ROBO2: variants seen among roughly 807,000 people sequenced by gnomAD.
ROBO2 encodes the protein roundabout homolog 2.
ROBO2 carries 53 observed loss-of-function variants against 160.8 expected under a neutral mutation model. That is an observed-to-expected ratio of 0.33 (90% CI 0.26 to 0.41). The LOEUF (loss-of-function observed/expected upper bound fraction) is 0.41, where lower values mean the gene tolerates loss of function less well. ROBO2 is among the 10% of genes least tolerant of loss of function. The pLI, the probability that ROBO2 is intolerant of heterozygous loss-of-function variation, is 1.00. For missense variants in ROBO2, 1,577 were observed against 1,722.4 expected (o/e 0.92, Z 1.49); for synonymous variants, 664 against 611.7 (o/e 1.09, Z -1.26).
intron 2 of ROBO2, among the ~76,000 whole-genome samples, chr3:76,738,348 T>A (rs907869268): frequency 1.3e-5 from 2 of 152,146 alleles, no homozygotes; most frequent in African/African-American, 4.8e-5. Flanking sequence ...GTTAAGATAG[T>A]TCAGGGCTTC....
At chr3:77,450,843 T>G (rs1026938706) in intron 2 of ROBO2, among the ~76,000 whole-genome samples, 1 of 152,086 alleles carries the variant, frequency 6.6e-6, no homozygotes, top group African/African-American at 2.4e-5. Flanking sequence ...ATTGACGGTA[T>G]TCAAGCTGGA....
intron 2 of ROBO2, among the ~76,000 whole-genome samples, chr3:76,029,570 A>G (rs903524010): frequency 1.3e-5 from 2 of 151,890 alleles, no homozygotes; most frequent in African/African-American, 4.8e-5. Context: ...CCAGTGTTCA[A>G]GTGTTCTCAT....
At chr3:77,427,467 A>G (rs922162058) in intron 2 of ROBO2, among the ~76,000 whole-genome samples, 4 of 152,182 alleles carry the variant, frequency 2.6e-5, no homozygotes, top group Non-Finnish European at 4.4e-5. Flanking sequence ...TAAGTGGTAC[A>G]CCTAGGATTT....
At chr3:77,205,550 T>C (rs1388718050) in intron 2 of ROBO2, among the ~76,000 whole-genome samples, 2 of 152,012 alleles carry the variant, frequency 1.3e-5, no homozygotes, top group Non-Finnish European at 2.9e-5. Context: ...CTTTTTGGGC[T>C]TGAAAACAGA....
intron 2 of ROBO2, among the ~76,000 whole-genome samples, chr3:77,466,943 C>A (rs988073436): frequency 1.3e-5 from 2 of 152,128 alleles, no homozygotes; most frequent in Non-Finnish European, 2.9e-5. Flanking sequence ...AATATCGGAG[C>A]AATAACACGT....
chr3:77,317,446 T>C (rs1225361164), intron 2 of ROBO2: 3 of 1,517,226 alleles, frequency 2.0e-6, no homozygotes, highest in African/African-American at 1.4e-5. Flanking sequence ...AGACTGCCCG[T>C]CACTTTGGTG....
chr3:77,197,628 C>G (rs1239573958), intron 2 of ROBO2, among the ~76,000 whole-genome samples: 1 of 152,122 alleles, frequency 6.6e-6, no homozygotes, highest in African/African-American at 2.4e-5. Context: ...CTTCAACAGC[C>G]AATGCAAAGG....
chr3:77,607,755 TCTG>T (rs1559715524), intron 20 of ROBO2, 40 bp from the exon 22 acceptor site: 4 of 1,576,866 alleles, frequency 2.5e-6, no homozygotes, highest in Non-Finnish European at 1.7e-6. Flanking sequence ...TTCTCTTTAT[TCTG>T]CTATTTGGCA....
chr3:76,449,893 A>G (rs774632934), intron 2 of ROBO2, among the ~76,000 whole-genome samples: 3 of 152,134 alleles, frequency 2.0e-5, no homozygotes, highest in Admixed American at 6.6e-5. Flanking sequence ...ACCTGCTCAT[A>G]CTTGCTGCAA....
chr3:76,574,193 G>C (rs995820804), intron 2 of ROBO2, among the ~76,000 whole-genome samples: 1 of 151,952 alleles, frequency 6.6e-6, no homozygotes, highest in African/African-American at 2.4e-5. Context: ...CAATTAAACT[G>C]ATTAAAAAGT....
intron 2 of ROBO2, among the ~76,000 whole-genome samples, chr3:77,159,482 A>G (rs1416485542): frequency 6.6e-6 from 1 of 152,154 alleles, no homozygotes; most frequent in Non-Finnish European, 1.5e-5. Flanking sequence ...GCTCTTCCAT[A>G]GTGGATTTCC....
intron 2 of ROBO2, among the ~76,000 whole-genome samples, chr3:76,293,457 G>A (rs2107711351): frequency 6.6e-6 from 1 of 152,280 alleles, no homozygotes; most frequent in African/African-American, 2.4e-5. Context: ...GTCAGAAAAG[G>A]TGTTACACAC....
chr3:76,247,288 A>C (rs1705678710), intron 2 of ROBO2, among the ~76,000 whole-genome samples: 1 of 152,040 alleles, frequency 6.6e-6, no homozygotes, highest in African/African-American at 2.4e-5. Context: ...TCCAATCAAA[A>C]AGTCTCCATG....
intron 2 of ROBO2, among the ~76,000 whole-genome samples, chr3:76,199,009 C>T (rs1702391534): frequency 1.3e-5 from 2 of 152,144 alleles, no homozygotes; most frequent in Admixed American, 6.6e-5. Context: ...GAGTCCTATT[C>T]TCACATTTGG....
At chr3:76,578,918 C>T (rs2085479887) in intron 2 of ROBO2, among the ~76,000 whole-genome samples, 1 of 152,192 alleles carries the variant, frequency 6.6e-6, no homozygotes, top group Admixed American at 6.5e-5. Context: ...CCACTTCATA[C>T]ACAGAGTGGC....
At chr3:77,220,186 A>AT (rs371705919) in intron 2 of ROBO2, among the ~76,000 whole-genome samples, 172 of 151,896 alleles carry the variant, frequency 1.1e-3, no homozygotes, top group African/African-American at 3.9e-3. Flanking sequence ...AATTTTTGTA[A>AT]TTTTTAGTAC....
At chr3:76,995,464 C>T (rs2060944930) in intron 2 of ROBO2, among the ~76,000 whole-genome samples, 1 of 151,996 alleles carries the variant, frequency 6.6e-6, no homozygotes, top group Non-Finnish European at 1.5e-5. Context: ...GAGTATATAC[C>T]CAGTAATGGG....
intron 2 of ROBO2, among the ~76,000 whole-genome samples, chr3:76,965,785 G>GTATATATATATA (rs62885160): frequency 0.061 from 7,893 of 128,548 alleles, 248 homozygotes; most frequent in South Asian, 0.074. Flanking sequence ...TTGTGTTTGT[G>GTATATATATATA]TATATATATA....
At chr3:76,918,297 T>G (rs1005669475) in intron 2 of ROBO2, among the ~76,000 whole-genome samples, 1 of 152,156 alleles carries the variant, frequency 6.6e-6, no homozygotes, top group Non-Finnish European at 1.5e-5. Flanking sequence ...TATAAGCCTC[T>G]GGCATTTCCC....
Sources: allele counts gnomAD v4.1 joint callset (sites outside exome capture counted in the v4.1 genomes callset), GRCh38; gene constraint gnomAD v4.1.1; transcripts MANE v1.5; gene names NCBI Gene and HGNC (gene_info 2026-07-23, HGNC 2026-07-21).